The following SLC13A5 variants were observed in gnomAD, a reference collection of about 807,000 sequenced individuals.
SLC13A5 encodes the protein solute carrier family 13 member 5.
SLC13A5 carries 25 observed loss-of-function variants against 56.5 expected under a neutral mutation model. That is an observed-to-expected ratio of 0.44 (90% CI 0.32 to 0.62). The LOEUF (loss-of-function observed/expected upper bound fraction) is 0.62, where lower values mean the gene tolerates loss of function less well. Ranked by LOEUF, SLC13A5 falls within the 20% of genes least tolerant of loss-of-function variation. The pLI is 0.04. For missense variants in SLC13A5, 649 were observed against 737.8 expected (o/e 0.88, Z 1.39); for synonymous variants, 307 against 301.5 (o/e 1.02, Z -0.19).
At position 6,685,040 on chromosome 17, in the gene SLC13A5, G is replaced by A. The variant is rs1973202542; in HGVS notation, c.*1167C>T. ...GCCCCACTTTGGGGTCTTTGTCCGA[G>A]TAACTTCAAGTAGATTGGCCCACGG... On this transcript the variant is annotated 3_prime_UTR_variant, in exon 12 of 12. Coordinates refer to ENST00000433363, the MANE Select transcript of SLC13A5 (RefSeq NM_177550.5). This position sits in a 1 kb window ranked among gnomAD's most constrained non-coding sequence, Gnocchi z 4.2. The A allele has an allele frequency of 6.6e-6, 1 of 152,252 alleles. No individual in the cohort carries two copies. Among genetic ancestry groups the A allele is most frequent in the African/African-American group, 2.4e-5 (1 of 41,464 alleles). 9.4% of individuals were successfully genotyped at this position (152,252 alleles called of 1,614,324 possible).
Position 6,687,280 on chromosome 17 carries a change from C to T in SLC13A5, c.1575+249G>A. ...CTTCCAAGGACTCCCCTGGTGCCTGCACAGGCTTCTCCAGGTGGGAGAGTC... is the reference window on the plus strand; with the variant it reads ...CTTCCAAGGACTCCCCTGGTGCCTGTACAGGCTTCTCCAGGTGGGAGAGTC... On this transcript the variant is annotated intron_variant, in intron 11 of 11. Coordinates refer to ENST00000433363, the MANE Select transcript of SLC13A5 (RefSeq NM_177550.5). The surrounding 1 kb of genome is among the most constrained non-coding windows in gnomAD (Gnocchi z 5.0). 2.1e-6 allele frequency: 1 copy of T among 477,804 alleles called. No homozygotes were observed. Among genetic ancestry groups the T allele is most frequent in the Non-Finnish European group, 3.6e-6 (1 of 276,140 alleles). 29.6% of individuals were successfully genotyped at this position (477,804 alleles called of 1,614,324 possible).
chr17:6,700,990 C>T lies in SLC13A5; in HGVS notation c.839+14G>A. On this transcript the variant is annotated intron_variant, in intron 6 of 11. Transcript: ENST00000433363. ...TAATTAGGCATAATTAGGCTGTGAG[C>T]AGCTCAAACTTACTTGAATCTCATG... 6.2e-7 allele frequency: 1 copy of T among 1,613,906 alleles called. No homozygotes were observed.
rs2151494980 is a variant in SLC13A5, at chr17:6,703,908, C to T, written c.517G>A (p.Val173Met). 6.3e-7 allele frequency: 1 copy of T among 1,574,918 alleles called. No homozygotes were observed. Among genetic ancestry groups the T allele is most frequent in the Admixed American group, 1.7e-5 (1 of 57,870 alleles). ...SAATEAGLEL[V>M]DKGKAKELPG... ...AGCTCCTTGGCCTTGCCCTTGTCCACCAGCTCCAGGCCGGCCTCGGTGGCT... is the reference window on the plus strand; with the variant it reads ...AGCTCCTTGGCCTTGCCCTTGTCCATCAGCTCCAGGCCGGCCTCGGTGGCT... The change falls in exon 4 of 12, where the codon GTG becomes ATG. Residue 173 changes from valine (V) to methionine (M), a missense_variant. Val to Met is a conservative substitution (Grantham distance 21). Transcript: ENST00000433363.
chr17:6,689,965 A>G (rs1682051159), intron 10 of SLC13A5: 1 of 146,512 alleles, frequency 6.8e-6, no homozygotes, highest in South Asian at 2.2e-4. Flanking sequence ...CAGAGATCCC[A>G]CATCTTGAAC....
At chr17:6,688,004 T>C in intron 10 of SLC13A5, 1 of 182,268 alleles carries the variant, frequency 5.5e-6, no homozygotes, top group Non-Finnish European at 1.1e-5. Context: ...TGCCACAGAC[T>C]GAGAGAGCCT....
chr17:6,693,072 C>T lies in SLC13A5; in HGVS notation c.1247G>A (p.Gly416Asp). Residue 416 changes from glycine (G) to aspartate (D), a missense_variant, in exon 9 of 12, where the codon GGC (glycine) becomes GAC (aspartate). Physicochemically the swap from Gly to Asp is moderately conservative, Grantham distance 94. Transcript: ENST00000433363. ...VPWGIVLLLGGGFALAKGSEA... is the reference protein window; with the variant it reads ...VPWGIVLLLGDGFALAKGSEA... ...GGATCCTTTAGCCAGAGCAAATCCG[C>T]CCCCTAGTAGCAGCACGATGCCCCA... 6.2e-7 allele frequency: 1 copy of T among 1,614,044 alleles called. No individual in the cohort carries two copies. Among genetic ancestry groups the T allele is most frequent in the Non-Finnish European group, 8.5e-7 (1 of 1,180,002 alleles).
chr17:6,694,401 G>A (rs1219365467), intron 7 of SLC13A5, among the ~76,000 whole-genome samples: 3 of 152,048 alleles, frequency 2.0e-5, no homozygotes, highest in Admixed American at 6.6e-5. Context: ...GGCGGATCAC[G>A]AGGTCAGGAG....
rs1434611859 is a variant in SLC13A5, at chr17:6,713,171, G to A, written c.102+61C>T. The A allele has an allele frequency of 6.5e-7, 1 of 1,538,432 alleles. No individual in the cohort carries two copies. Among genetic ancestry groups the A allele is most frequent in the Non-Finnish European group, 8.9e-7 (1 of 1,120,484 alleles). ...CTCCAGCTCAGGGCTCCCGGGATCG[G>A]TGCCCGTTAGTGGGCACAGGACGCC... On this transcript the variant is annotated intron_variant, in intron 1 of 11. Transcript: ENST00000433363. The surrounding 1 kb of genome is among the most constrained non-coding windows in gnomAD (Gnocchi z 7.3).
chr17:6,691,029 C>T lies in SLC13A5; in HGVS notation c.1276-89G>A, dbSNP rs142250905. The T allele has an allele frequency of 4.2e-4, 607 of 1,434,426 alleles. 2 individuals are homozygous for T. The African/African-American group carries it at 4.9e-3, about 12-fold the overall frequency. 88.9% of individuals were successfully genotyped at this position (1,434,426 alleles called of 1,614,324 possible). On this transcript the variant is annotated intron_variant, in intron 9 of 11. Coordinates refer to ENST00000433363, the MANE Select transcript of SLC13A5 (RefSeq NM_177550.5). ...GCAAGCTTGGCCCATCCTCCCCTCC[C>T]GACCCTCTCTCTCTACACCTCATAG...
intron 6 of SLC13A5, among the ~76,000 whole-genome samples, chr17:6,700,439 G>A (rs1311463819): frequency 1.3e-5 from 2 of 152,244 alleles, no homozygotes; most frequent in Non-Finnish European, 1.5e-5. Context: ...GGCACAGAGC[G>A]TATGCGCTCA....
At chr17:6,704,133 T>G (rs1381338245) in intron 3 of SLC13A5, 77 bp from the exon 4 acceptor site, 2 of 1,482,968 alleles carry the variant, frequency 1.3e-6, no homozygotes, top group Non-Finnish European at 1.8e-6. Flanking sequence ...AACTGGGGAC[T>G]GGGTCCACCC....
chr17:6,703,811 G>C, intron 4 of SLC13A5, 67 bp downstream of exon 4: 1 of 1,466,456 alleles, frequency 6.8e-7, no homozygotes, highest in Non-Finnish European at 9.0e-7. Flanking sequence ...GGTGGCCAAA[G>C]CATTTGCCAG....
At chr17:6,699,481 T>G (rs1305649027) in intron 6 of SLC13A5, among the ~76,000 whole-genome samples, 2 of 152,208 alleles carry the variant, frequency 1.3e-5, no homozygotes, top group East Asian at 1.9e-4. Flanking sequence ...AACTTTTTTT[T>G]TTGTTTTGAG....
In SLC13A5 at chr17:6,692,142, T is replaced by C. The variant is rs1408491395; in HGVS notation, c.1275+902A>G. On this transcript the variant is annotated intron_variant, in intron 9 of 11. Transcript: ENST00000433363. This position sits in a 1 kb window ranked among gnomAD's most constrained non-coding sequence, Gnocchi z 5.5. ...ATGGATAGATGGATGGATGGATGGA[T>C]GGATGGATGGATGGATGGATGGATA... 6.6e-6 allele frequency among the ~76,000 whole-genome samples: 1 copy of C among 150,744 alleles called. No homozygotes were observed. Among genetic ancestry groups the C allele is most frequent in the Non-Finnish European group, 1.5e-5 (1 of 67,672 alleles).
intron 4 of SLC13A5, 41 bp downstream of exon 4, chr17:6,703,837 G>T: frequency 6.7e-7 from 1 of 1,492,756 alleles, no homozygotes. Flanking sequence ...GGAGGGGAAG[G>T]CTGCTGTTGT....
Position 6,703,145 on chromosome 17 carries a change from T to G in SLC13A5, c.548-7A>C. On this transcript the variant is annotated splice_region_variant and splice_polypyrimidine_tract_variant and intron_variant, in intron 4 of 11. Coordinates refer to ENST00000433363, the MANE Select transcript of SLC13A5 (RefSeq NM_177550.5). ...TCAAAAATCACTTGACTCCCTGTGG[T>G]GGGCACAGCGCTGTTAGCTGAGCCA... The G allele has an allele frequency of 6.2e-7, 1 of 1,613,930 alleles. No homozygotes were observed. Among genetic ancestry groups the G allele is most frequent in the Non-Finnish European group, 8.5e-7 (1 of 1,180,018 alleles).
At chr17:6,694,332 G>A (rs1377884488) in intron 7 of SLC13A5, 135 bp from the exon 8 acceptor site, 9 of 573,868 alleles carry the variant, frequency 1.6e-5, no homozygotes, top group Admixed American at 3.0e-5. Context: ...AAGGTCAAGA[G>A]TGGTGGCCAG....
chr17:6,708,651 A>G (rs1567626069), intron 1 of SLC13A5, among the ~76,000 whole-genome samples: 1 of 152,268 alleles, frequency 6.6e-6, no homozygotes, highest in African/African-American at 2.4e-5. Context: ...ATACTTAAGA[A>G]ACATTGAAAA....
Position 6,693,356 on chromosome 17 carries a change from G to C in SLC13A5, c.1157-194C>G, listed in dbSNP as rs1167541789. The stretch of plus-strand genomic sequence containing the variant: ...CAATAATATATACATTGCTGGTGAG[G>C]ATATGATCAAACTATTACACACACT... On this transcript the variant is annotated intron_variant, in intron 8 of 11. Coordinates refer to ENST00000433363, the MANE Select transcript of SLC13A5 (RefSeq NM_177550.5). 3 of 530,194 alleles carry C rather than the reference G, an allele frequency of 5.7e-6. No homozygotes were observed. In the East Asian group the frequency reaches 9.9e-5, roughly 17 times the overall value. The allele number at this position is 530,194 out of a possible 1,614,324, so 32.8% of individuals were successfully genotyped here. A position where few individuals can be genotyped will look rare whatever the true frequency, so the allele number is the denominator to read the frequency against.
Sources: gnomAD v4.1 joint callset for allele counts (sites outside exome capture counted in the v4.1 genomes callset) on GRCh38, gnomAD v4.1.1 for gene constraint, Gnocchi (gnomAD v3.1) non-coding constraint, MANE v1.5 for transcripts, NCBI Gene and HGNC (gene_info 2026-07-23, HGNC 2026-07-21) for gene names.